GAS2L3: variants seen among roughly 807,000 people sequenced by gnomAD.
GAS2L3 encodes GAS2-like protein 3.
GAS2L3 carries 28 observed loss-of-function variants against 37.0 expected under a neutral mutation model. That is an observed-to-expected ratio of 0.76 (90% CI 0.56 to 1.04). The LOEUF is 1.04. Among genes scored for constraint, GAS2L3 ranks in the 50% least tolerant of loss-of-function variants. GAS2L3 has a pLI of 0.00. For synonymous variants in GAS2L3, 290 were observed against 296.6 expected, an observed-to-expected ratio of 0.98 and a Z score of 0.23; for missense variants, 793 against 817.6, an observed-to-expected ratio of 0.97 and a Z score of 0.37.
At chr12:100,579,656 T>C in intron 1 of GAS2L3, 1 of 779,046 alleles carries the variant, frequency 1.3e-6, no homozygotes, top group Non-Finnish European at 2.4e-6. Flanking sequence ...GACATATTTT[T>C]CTTAATACCT....
chr12:100,579,805 T>C, intron 1 of GAS2L3: 3 of 720,346 alleles, frequency 4.2e-6, no homozygotes, highest in Non-Finnish European at 5.1e-6. Context: ...GTAAAATCTT[T>C]GTGTGAGGGA....
intron 1 of GAS2L3, among the ~76,000 whole-genome samples, chr12:100,585,468 C>A (rs1286163383): frequency 6.6e-6 from 1 of 151,338 alleles, no homozygotes; most frequent in African/African-American, 2.4e-5. Flanking sequence ...GTTGGCCAGG[C>A]TGGTCTTGAA....
intron 1 of GAS2L3, among the ~76,000 whole-genome samples, chr12:100,588,708 G>C: frequency 6.6e-6 from 1 of 152,136 alleles, no homozygotes; most frequent in East Asian, 1.9e-4. Flanking sequence ...AACTGTGTAA[G>C]ACAGACATTC....
chr12:100,587,654 A>G (rs1420359207), intron 1 of GAS2L3, among the ~76,000 whole-genome samples: 1 of 152,224 alleles, frequency 6.6e-6, no homozygotes, highest in African/African-American at 2.4e-5. Context: ...AGTTGAAAGC[A>G]TTCCCTCTGG....
In GAS2L3 at chr12:100,624,797, T is replaced by A; in HGVS notation, c.1992T>A (p.Asp664Glu). The A allele has an allele frequency of 6.2e-7, 1 of 1,613,860 alleles. No homozygotes were observed. Among genetic ancestry groups the A allele is most frequent in the Non-Finnish European group, 8.5e-7 (1 of 1,179,956 alleles). Residue 664 changes from aspartate (D) to glutamate (E), a missense_variant, in exon 10 of 10, where the codon GAT (aspartate) becomes GAA (glutamate). Transcript: ENST00000547754. ...SIRKPPSSVKDADSGDKKPTA... is the reference protein window; with the variant it reads ...SIRKPPSSVKEADSGDKKPTA... ...GGAAACCACCCTCATCTGTTAAGGA[T>A]GCAGATAGTGGAGATAAAAAACCTA...
intron 5 of GAS2L3, among the ~76,000 whole-genome samples, 160 bp downstream of exon 5, chr12:100,601,913 A>T (rs1955995303): frequency 6.6e-6 from 1 of 151,972 alleles, no homozygotes; most frequent in South Asian, 2.1e-4. Flanking sequence ...GTTCTCTTTC[A>T]TAAAATGAGA....
chr12:100,612,990 G>T (rs1436474635), intron 6 of GAS2L3, among the ~76,000 whole-genome samples: 1 of 152,156 alleles, frequency 6.6e-6, no homozygotes, highest in African/African-American at 2.4e-5. Flanking sequence ...CCTCCTGTTT[G>T]CTCTGCATCT....
At chr12:100,574,221 G>GT (rs1282028514) in intron 1 of GAS2L3, among the ~76,000 whole-genome samples, 2 of 152,274 alleles carry the variant, frequency 1.3e-5, no homozygotes, top group South Asian at 2.1e-4. Context: ...TAGAGGGTCT[G>GT]TTTTTTTCTG....
At chr12:100,579,737 G>T (rs371914727) in intron 1 of GAS2L3, 22 of 739,992 alleles carry the variant, frequency 3.0e-5, no homozygotes, top group Non-Finnish European at 7.4e-6. Context: ...TAAGTACCAG[G>T]GTTGGTGGAA....
chr12:100,603,139 T>G (rs1364697655), intron 5 of GAS2L3, among the ~76,000 whole-genome samples: 3 of 152,186 alleles, frequency 2.0e-5, no homozygotes, highest in African/African-American at 7.2e-5. Context: ...TATACTGATT[T>G]CCTTTCTGTT....
At chr12:100,602,418 A>G (rs547078641) in intron 5 of GAS2L3, among the ~76,000 whole-genome samples, 24 of 152,092 alleles carry the variant, frequency 1.6e-4, no homozygotes, top group African/African-American at 5.8e-4. Context: ...ATAAAGGAGT[A>G]TCATCATTCT....
In GAS2L3 at chr12:100,622,345, G is replaced by C; in HGVS notation, c.719G>C (p.Gly240Ala). 1 of 1,595,862 alleles carries C rather than the reference G, an allele frequency of 6.3e-7. No homozygotes were observed. Among genetic ancestry groups the C allele is most frequent in the Admixed American group, 1.7e-5 (1 of 59,830 alleles). ...TTTTCTATTGAGTATTTATCTGAAG[G>C]ACGGTACCGACTAGGGGATAAAATA... is the stretch of plus-strand genomic sequence containing the variant. Reference protein sequence around the residue: ...HRFSIEYLSEGRYRLGDKILF... With the variant: ...HRFSIEYLSEARYRLGDKILF... The change falls in exon 9 of 10, where the codon GGA becomes GCA. Residue 240 changes from glycine to alanine, a missense_variant. Gly to Ala is a moderately conservative substitution (Grantham distance 60, BLOSUM62 0). Coordinates refer to ENST00000547754, the MANE Select transcript of GAS2L3 (RefSeq NM_174942.3).
chr12:100,608,688 A>AT (rs952659469), intron 5 of GAS2L3, among the ~76,000 whole-genome samples: 17 of 151,782 alleles, frequency 1.1e-4, no homozygotes, highest in South Asian at 6.3e-4. Context: ...TGCCCAGCTG[A>AT]TTTTTTTTGT....
Position 100,623,968 on chromosome 12 carries a change from CA to C in GAS2L3, c.1167del (p.Gly390AlafsTer2). 1.2e-6 allele frequency: 2 copies of C among 1,614,120 alleles called. No homozygotes were observed. The highest frequency in any genetic ancestry group is 1.7e-6 in the Non-Finnish European group (2 of 1,180,006). ...TCTTCTCATCCCAAGCTCAAGTCTT[CA>C]AAAGGCATAACGAAGAAACCGCAGG... ...AASSHPKLKS[S>X]KGITKKPQAP... is the part of the protein sequence containing the mutation. On this transcript the variant is annotated frameshift_variant, in exon 10 of 10. Coordinates refer to ENST00000547754, the MANE Select transcript of GAS2L3 (RefSeq NM_174942.3). LOFTEE classifies it low-confidence loss of function (END_TRUNC).
rs534095960 is a variant in GAS2L3 at position 100,595,424 on chromosome 12, G to A, written c.18+502G>A. Among the ~76,000 whole-genome samples the A allele has an allele frequency of 2.2e-4, 31 of 139,740 alleles. No individual in the cohort carries two copies. The South Asian group carries it at 6.6e-3, about 30-fold the overall frequency. 91.7% of individuals were successfully genotyped at this position (139,740 alleles called of 152,430 possible). Reference sequence around the variant, plus strand: ...TTTTTTTTTTTTTGTTTTGTTTTTTGTGGAGGGGTGCAAGCTGGGTATAAT... The same window carrying A: ...TTTTTTTTTTTTTGTTTTGTTTTTTATGGAGGGGTGCAAGCTGGGTATAAT... On this transcript the variant is annotated intron_variant, in intron 3 of 9. Coordinates refer to ENST00000547754, the MANE Select transcript of GAS2L3 (RefSeq NM_174942.3).
At chr12:100,591,569 C>T (rs1955847039) in intron 1 of GAS2L3, among the ~76,000 whole-genome samples, 167 bp from the exon 2 acceptor site, 1 of 152,134 alleles carries the variant, frequency 6.6e-6, no homozygotes, top group African/African-American at 2.4e-5. Flanking sequence ...GTTTTCTTAT[C>T]TCTTTAATTG....
In GAS2L3 at chr12:100,586,292, C is replaced by T. The variant is rs144753223; in HGVS notation, c.-151-5444C>T. Among the ~76,000 whole-genome samples the T allele has an allele frequency of 6.8e-3, 1,039 of 152,224 alleles. 6 individuals are homozygous for T. Among genetic ancestry groups the T allele is most frequent in the South Asian group, 0.021 (99 of 4,812 alleles). The stretch of plus-strand genomic sequence containing the variant: ...ACAGAATACACATTCTGTTCAACAG[C>T]GCATGGAACTTTCTCCAAGATAGAC... On this transcript the variant is annotated intron_variant, in intron 1 of 9. Coordinates refer to ENST00000547754, the MANE Select transcript of GAS2L3 (RefSeq NM_174942.3).
intron 3 of GAS2L3, among the ~76,000 whole-genome samples, chr12:100,595,807 G>A (rs1259355391): frequency 6.6e-6 from 1 of 151,938 alleles, no homozygotes; most frequent in East Asian, 1.9e-4. Flanking sequence ...GATAACATGT[G>A]CAAATGGACT....
At chr12:100,594,805 ATTTGGGGG>A (rs1487301491) in intron 2 of GAS2L3, 62 bp from the exon 3 acceptor site, 1 of 475,144 alleles carries the variant, frequency 2.1e-6, no homozygotes, top group Non-Finnish European at 3.7e-6. Flanking sequence ...AAATCTTGTA[ATTTGGGGG>A]TTTGGGGGAG....
Sources: gnomAD v4.1 joint callset for allele counts (sites outside exome capture counted in the v4.1 genomes callset) on GRCh38, gnomAD v4.1.1 for gene constraint, MANE v1.5 for transcripts, NCBI Gene and HGNC (gene_info 2026-07-23, HGNC 2026-07-21) for gene names.